REM1: variants seen among roughly 807,000 people sequenced by gnomAD.
The protein encoded by REM1 is RRAD and GEM like GTPase 1, also known as GTP-binding protein REM 1.
A neutral mutation model predicts 27.0 loss-of-function variants in REM1; 20 were observed. The observed-to-expected ratio is 0.74, with a 90% CI of 0.52 to 1.08. The LOEUF is 1.08. Ranked by LOEUF, REM1 falls within the 50% of genes least tolerant of loss-of-function variation. The probability of loss-of-function intolerance (pLI) is 0.00; values close to 1 mark genes in which losing one functional copy is unlikely to be tolerated. For missense variants in REM1, 405 were observed against 407.0 expected (o/e 1.00, Z 0.04); for synonymous variants, 159 against 167.9 (o/e 0.95, Z 0.41).
At chr20:31,480,248 C>CACAT (rs3068541) in intron 3 of REM1, among the ~76,000 whole-genome samples, 70 of 127,474 alleles carry the variant, frequency 5.5e-4, no homozygotes, top group South Asian at 5.2e-3. Flanking sequence ...CATACATACA[C>CACAT]ACATACATAC....
At chr20:31,480,449 G>A (rs13038544) in intron 3 of REM1, among the ~76,000 whole-genome samples, 1 of 151,958 alleles carries the variant, frequency 6.6e-6, no homozygotes, top group African/African-American at 2.4e-5. Context: ...TCAGCCTCCC[G>A]AGTAGCTGGG....
At chr20:31,484,127 C>G in intron 4 of REM1, 32 bp from the exon 5 acceptor site, 2 of 1,541,740 alleles carry the variant, frequency 1.3e-6, no homozygotes, top group Admixed American at 1.9e-5. Flanking sequence ...CGTTATGGCT[C>G]CACCCCTCCT....
At position 31,476,415 on chromosome 20, in the gene REM1, G is replaced by T; in HGVS notation, c.-31G>T. On this transcript the variant is annotated 5_prime_UTR_variant, in exon 2 of 5. Transcript: ENST00000201979. ...AATTCCCCCTTCTTTCAGAAGGAAA[G>T]AAGGAAGAAGCAAACCCCCCCCTAC... 4.0e-6 allele frequency: 6 copies of T among 1,508,304 alleles called. No homozygotes were observed. Among genetic ancestry groups the T allele is most frequent in the Non-Finnish European group, 5.4e-6 (6 of 1,120,406 alleles). The allele number at this position is 1,508,304 out of a possible 1,614,324, so 93.4% of individuals were successfully genotyped here.
Position 31,484,348 on chromosome 20 carries a change from T to G in REM1, c.815T>G (p.Leu272Arg). The G allele has an allele frequency of 6.4e-7, 1 of 1,562,556 alleles. No individual in the cohort carries two copies. Among genetic ancestry groups the G allele is most frequent in the Non-Finnish European group, 8.7e-7 (1 of 1,154,476 alleles). The change falls in exon 5 of 5, where the codon CTG becomes CGG. Residue 272 changes from leucine (L) to arginine (R), a missense_variant. By Grantham distance (102) the Leu-to-Arg change is moderately radical (BLOSUM62 -2). Coordinates refer to ENST00000201979, the MANE Select transcript of REM1 (RefSeq NM_014012.6). The part of the protein sequence containing the change: ...ASLAQRARRF[L>R]ARLTARSARR... ...CTAGCCCAGCGCGCTCGTCGCTTCC[T>G]GGCACGCCTGACAGCCCGCAGCGCA...
At position 31,476,707 on chromosome 20, in the gene REM1, G is replaced by A; in HGVS notation, c.262G>A (p.Asp88Asn). 1 of 1,614,112 alleles carries A rather than the reference G, an allele frequency of 6.2e-7. No individual in the cohort carries two copies. Among genetic ancestry groups the A allele is most frequent in the Non-Finnish European group, 8.5e-7 (1 of 1,180,010 alleles). Residue 88 changes from aspartate (D) to asparagine (N), a missense_variant, in exon 2 of 5, where the codon GAT becomes AAT. Coordinates refer to ENST00000201979, the MANE Select transcript of REM1 (RefSeq NM_014012.6). ...EALYRVVLLG[D>N]PGVGKTSLAS... ...TCTCTACCGTGTGGTGCTACTTGGA[G>A]ATCCTGGAGTGGGGAAGACCAGCTT... is the stretch of plus-strand genomic sequence containing the variant.
intron 4 of REM1, among the ~76,000 whole-genome samples, 198 bp from the exon 5 acceptor site, chr20:31,483,961 T>A (rs1370659769): frequency 6.6e-6 from 1 of 152,128 alleles, no homozygotes; most frequent in Non-Finnish European, 1.5e-5. Context: ...TGGCATTCAA[T>A]AATCTGACCC....
At chr20:31,480,588 G>A (rs1390633248) in intron 3 of REM1, among the ~76,000 whole-genome samples, 1 of 152,134 alleles carries the variant, frequency 6.6e-6, no homozygotes, top group African/African-American at 2.4e-5. Context: ...CTCCCAAAGT[G>A]CTGGGATTAC....
rs553285126 is a variant in REM1 at position 31,475,579 on chromosome 20, C to T, written c.-220+213C>T. 3.3e-5 allele frequency among the ~76,000 whole-genome samples: 5 copies of T among 152,300 alleles called. No individual in the cohort carries two copies. The South Asian group carries it at 1.0e-3, about 32-fold the overall frequency. ...GATGGGGGATTCACACCCGGGATGC[C>T]GGCTGAGAAAGCTCGGACCCAGACT... is the stretch of plus-strand genomic sequence containing the variant. On this transcript the variant is annotated intron_variant, in intron 1 of 4. Coordinates refer to ENST00000201979, the MANE Select transcript of REM1 (RefSeq NM_014012.6). This position sits in a 1 kb window ranked among gnomAD's most constrained non-coding sequence, Gnocchi z 5.0.
chr20:31,483,774 CAAAAAAAAAA>C (rs549633656), intron 4 of REM1, among the ~76,000 whole-genome samples: 10 of 102,530 alleles, frequency 9.8e-5, no homozygotes, highest in Non-Finnish European at 2.0e-4. Context: ...AACAGACATC[CAAAAAAAAAA>C]AAAAAAAAAA....
At chr20:31,481,695 C>A (rs1390963492) in intron 3 of REM1, among the ~76,000 whole-genome samples, 2 of 152,172 alleles carry the variant, frequency 1.3e-5, no homozygotes, top group Non-Finnish European at 1.5e-5. Flanking sequence ...AAAAGCACTG[C>A]AGTTCTTTCT....
intron 2 of REM1, among the ~76,000 whole-genome samples, chr20:31,477,232 G>A (rs767059958): frequency 1.1e-4 from 17 of 152,048 alleles, no homozygotes; most frequent in South Asian, 2.1e-4. Context: ...GGGAGACTCC[G>A]AGACCCCAAG....
In REM1 at chr20:31,476,679, G is replaced by T. The variant is rs567451280; in HGVS notation, c.234G>T (p.Glu78Asp). ...SESSDSEGSW[E>D]ALYRVVLLGD... The stretch of plus-strand genomic sequence containing the variant: ...CCAGCGACTCTGAAGGCTCCTGGGA[G>T]GCTCTCTACCGTGTGGTGCTACTTG... Residue 78 changes from glutamate to aspartate, a missense_variant, in exon 2 of 5, where the codon GAG (glutamate) becomes GAT (aspartate). Physicochemically the swap from Glu to Asp is conservative, Grantham distance 45. Coordinates refer to ENST00000201979, the MANE Select transcript of REM1 (RefSeq NM_014012.6). 13 of 1,614,168 alleles carry T rather than the reference G, an allele frequency of 8.1e-6. No homozygotes were observed. The highest frequency in any genetic ancestry group is 1.1e-5 in the Non-Finnish European group (13 of 1,180,034).
intron 4 of REM1, among the ~76,000 whole-genome samples, chr20:31,483,724 G>A (rs117226921): frequency 2.5e-3 from 383 of 150,916 alleles, no homozygotes; most frequent in Non-Finnish European, 4.3e-3. Context: ...TAGAACTCGG[G>A]CTCAGTGGCT....
chr20:31,482,368 T>A lies in REM1; in HGVS notation c.505T>A (p.Phe169Ile). ...IVYSIADRGS[F>I]ESASELRIQL... ...ATACTCCATCGCAGACCGAGGCAGC[T>A]TTGAGAGTGCCTCTGAGCTCCGCAT... The change falls in exon 4 of 5, where the codon TTT becomes ATT. Residue 169 changes from phenylalanine (F) to isoleucine (I), a missense_variant. By Grantham distance (21) the Phe-to-Ile change is conservative (BLOSUM62 0). Coordinates refer to ENST00000201979, the MANE Select transcript of REM1 (RefSeq NM_014012.6). 6.2e-7 allele frequency: 1 copy of A among 1,614,178 alleles called. No individual in the cohort carries two copies. The highest frequency in any genetic ancestry group is 8.5e-7 in the Non-Finnish European group (1 of 1,180,024).
At position 31,484,354 on chromosome 20, in the gene REM1, G is replaced by T; in HGVS notation, c.821G>T (p.Arg274Leu). ...CAGCGCGCTCGTCGCTTCCTGGCACGCCTGACAGCCCGCAGCGCACGCCGC... is the reference window on the plus strand; with the variant it reads ...CAGCGCGCTCGTCGCTTCCTGGCACTCCTGACAGCCCGCAGCGCACGCCGC... ...LAQRARRFLARLTARSARRRA... is the reference protein window; with the variant it reads ...LAQRARRFLALLTARSARRRA... Residue 274 changes from arginine (R) to leucine (L), a missense_variant, in exon 5 of 5, where the codon CGC becomes CTC. Coordinates refer to ENST00000201979, the MANE Select transcript of REM1 (RefSeq NM_014012.6). 1.3e-6 allele frequency: 2 copies of T among 1,560,642 alleles called. No individual in the cohort carries two copies. Among genetic ancestry groups the T allele is most frequent in the Non-Finnish European group, 1.7e-6 (2 of 1,153,494 alleles).
chr20:31,476,660 A>T lies in REM1; in HGVS notation c.215A>T (p.Asp72Val). The change falls in exon 2 of 5, where the codon GAC (aspartate) becomes GTC (valine). Residue 72 changes from aspartate (D) to valine (V), a missense_variant. Physicochemically the swap from Asp to Val is radical, Grantham distance 152. Coordinates refer to ENST00000201979, the MANE Select transcript of REM1 (RefSeq NM_014012.6). ...GATGATTGGTCTTCTGAATCCAGCG[A>T]CTCTGAAGGCTCCTGGGAGGCTCTC... ...APDDWSSESS[D>V]SEGSWEALYR... is the part of the protein sequence containing the mutation. 2 of 1,613,658 alleles carry T rather than the reference A, an allele frequency of 1.2e-6. No individual in the cohort carries two copies. Among genetic ancestry groups the T allele is most frequent in the Non-Finnish European group, 1.7e-6 (2 of 1,179,904 alleles).
intron 3 of REM1, among the ~76,000 whole-genome samples, chr20:31,479,073 G>A (rs1426753463): frequency 6.6e-6 from 1 of 152,138 alleles, no homozygotes; most frequent in Non-Finnish European, 1.5e-5. Context: ...GACCTCAGGT[G>A]ATCCACCCGC....
In REM1 at chr20:31,484,433, C is replaced by T. The variant is rs1234112646; in HGVS notation, c.*3C>T. On this transcript the variant is annotated 3_prime_UTR_variant, in exon 5 of 5. Coordinates refer to ENST00000201979, the MANE Select transcript of REM1 (RefSeq NM_014012.6). ...GCCACAATCTGGCCGTGCTCTGAAG[C>T]CCCCCGCCCTTCTGAGAGTTGGCGG... 3.4e-6 allele frequency: 5 copies of T among 1,481,976 alleles called. No individual in the cohort carries two copies. The highest frequency in any genetic ancestry group is 3.6e-6 in the Non-Finnish European group (4 of 1,114,582). The allele number at this position is 1,481,976 out of a possible 1,614,324, so 91.8% of individuals were successfully genotyped here.
intron 3 of REM1, among the ~76,000 whole-genome samples, chr20:31,480,238 C>CAGACAG (rs1980678939): frequency 1.3e-5 from 1 of 75,950 alleles, no homozygotes; most frequent in African/African-American, 9.8e-5. Context: ...TAGACAGATA[C>CAGACAG]ATACATACAC....
Sources: allele counts gnomAD v4.1 joint callset (sites outside exome capture counted in the v4.1 genomes callset), GRCh38; gene constraint gnomAD v4.1.1; non-coding constraint Gnocchi (gnomAD v3.1); transcripts MANE v1.5; gene names NCBI Gene and HGNC (gene_info 2026-07-23, HGNC 2026-07-21).